Variants in LTBP1 observed in about 807,000 individuals in gnomAD.
LTBP1 encodes the protein latent transforming growth factor beta binding protein 1.
A neutral mutation model predicts 207.6 loss-of-function variants in LTBP1; 129 were observed. The observed-to-expected ratio is 0.62, with a 90% CI of 0.54 to 0.72. The LOEUF is 0.72. Ranked by LOEUF, LTBP1 falls within the 30% of genes least tolerant of loss-of-function variation. The pLI is 0.00. For synonymous variants in LTBP1, 963 were observed against 833.7 expected (o/e 1.16, Z -2.67); for missense variants, 2,281 against 2,217.2 (o/e 1.03, Z -0.58).
chr2:32,952,016 T>C (rs1255916659), intron 2 of LTBP1, among the ~76,000 whole-genome samples: 1 of 152,190 alleles, frequency 6.6e-6, no homozygotes, highest in African/African-American at 2.4e-5. Flanking sequence ...TGTCATTACA[T>C]GTTGAAGATA....
intron 32 of LTBP1, among the ~76,000 whole-genome samples, chr2:33,393,218 T>C (rs62150379): frequency 0.16 from 23,827 of 145,392 alleles, 2,175 homozygotes; most frequent in Non-Finnish European, 0.18. Context: ...CTAGTGTCTG[T>C]TGTTTCCTTC....
rs1466290489 is a variant in LTBP1, at chr2:33,215,964, C to T, written c.1702-1588C>T. Among the ~76,000 whole-genome samples, 5 of 152,078 alleles carry T rather than the reference C, an allele frequency of 3.3e-5. No homozygotes were observed. In the East Asian group the frequency reaches 5.8e-4, roughly 18 times the overall value. ...TCCTGACCTCGTGATCTGCCTGCCT[C>T]GGCCTCCCAAAGTGCTGGGATTACA... On this transcript the variant is annotated intron_variant, in intron 7 of 33. Transcript: ENST00000404816.
chr2:33,268,123 G>T (rs1035481157), intron 15 of LTBP1, among the ~76,000 whole-genome samples: 1 of 152,316 alleles, frequency 6.6e-6, no homozygotes, highest in African/African-American at 2.4e-5. Context: ...GAAGTGGTTT[G>T]CAACTTTAGA....
chr2:32,960,745 G>T (rs1678971084), intron 2 of LTBP1, among the ~76,000 whole-genome samples: 1 of 152,198 alleles, frequency 6.6e-6, no homozygotes, highest in Non-Finnish European at 1.5e-5. Flanking sequence ...TGTGAGGCCT[G>T]TGTGATATGA....
At chr2:33,393,240 T>C (rs1252121834) in intron 32 of LTBP1, among the ~76,000 whole-genome samples, 6 of 141,280 alleles carry the variant, frequency 4.2e-5, no homozygotes, top group African/African-American at 1.1e-4. Flanking sequence ...TCTTCTTTTT[T>C]TTTTTTTTTT....
At chr2:32,993,579 T>A (rs1039921268) in intron 2 of LTBP1, among the ~76,000 whole-genome samples, 1 of 152,214 alleles carries the variant, frequency 6.6e-6, no homozygotes, top group Non-Finnish European at 1.5e-5. Context: ...AATTTTAGTT[T>A]ACTGGGTAGT....
intron 2 of LTBP1, among the ~76,000 whole-genome samples, chr2:32,997,691 A>C (rs1487077656): frequency 6.6e-6 from 1 of 152,092 alleles, no homozygotes; most frequent in Non-Finnish European, 1.5e-5. Flanking sequence ...GGCCAGGACA[A>C]CTCCAAAGCT....
intron 2 of LTBP1, among the ~76,000 whole-genome samples, chr2:32,999,351 A>G (rs1247613768): frequency 6.6e-6 from 1 of 152,206 alleles, no homozygotes; most frequent in East Asian, 1.9e-4. Flanking sequence ...CCTTGCCTCC[A>G]TCCAAGGTGA....
intron 3 of LTBP1, among the ~76,000 whole-genome samples, chr2:33,044,002 T>A (rs1435905783): frequency 6.6e-6 from 1 of 150,736 alleles, no homozygotes; most frequent in Non-Finnish European, 1.5e-5. Context: ...TTCCACTGAC[T>A]CTTAGACTCT....
chr2:33,288,133 T>A (rs902330649), intron 19 of LTBP1, among the ~76,000 whole-genome samples: 2 of 152,214 alleles, frequency 1.3e-5, no homozygotes, highest in Non-Finnish European at 2.9e-5. Flanking sequence ...TGAATTTGGA[T>A]AGCCTTAGAG....
chr2:33,309,355 C>T (rs1393659659), intron 22 of LTBP1, 79 bp from the exon 23 acceptor site: 1 of 925,686 alleles, frequency 1.1e-6, no homozygotes, highest in Non-Finnish European at 1.6e-6. Context: ...AAATAGTGTA[C>T]CTTTACATGT....
intron 26 of LTBP1, among the ~76,000 whole-genome samples, chr2:33,349,444 GAA>G (rs373613670): frequency 0.021 from 2,929 of 141,506 alleles, 47 homozygotes; most frequent in Middle Eastern, 0.071. Context: ...TGTCTCAAAA[GAA>G]AAAAAAAAAA....
chr2:33,039,597 A>G (rs1244443396), intron 3 of LTBP1, among the ~76,000 whole-genome samples: 1 of 152,234 alleles, frequency 6.6e-6, no homozygotes, highest in Admixed American at 6.5e-5. Context: ...ATTAAAATCA[A>G]CTATATTTTT....
intron 3 of LTBP1, among the ~76,000 whole-genome samples, chr2:33,096,782 A>G (rs1166380532): frequency 1.3e-5 from 2 of 152,218 alleles, no homozygotes; most frequent in African/African-American, 2.4e-5. Context: ...AGGAAAGTGC[A>G]TGATTTTAGT....
At chr2:33,256,386 G>C (rs920894446) in intron 11 of LTBP1, among the ~76,000 whole-genome samples, 1 of 151,868 alleles carries the variant, frequency 6.6e-6, no homozygotes, top group African/African-American at 2.4e-5. Flanking sequence ...CTCTTAACCA[G>C]CTGATACATG....
chr2:33,244,655 A>C (rs2092447382), intron 10 of LTBP1, among the ~76,000 whole-genome samples: 1 of 152,110 alleles, frequency 6.6e-6, no homozygotes, highest in South Asian at 2.1e-4. Flanking sequence ...ATTTTTTTTA[A>C]AGAGATGGGG....
In LTBP1 at chr2:33,187,063, G is replaced by A; in HGVS notation, c.1409G>A (p.Ser470Asn). 6.2e-7 allele frequency: 1 copy of A among 1,614,076 alleles called. No homozygotes were observed. The highest frequency in any genetic ancestry group is 8.5e-7 in the Non-Finnish European group (1 of 1,179,938). The change falls in exon 6 of 34, where the codon AGC becomes AAC. Residue 470 changes from serine to asparagine, a missense_variant. Around this residue, in one of 3 missense-constraint regions of LTBP1, gnomAD observed 1,671 missense variants for 1,634.8 expected, o/e 1.02. Coordinates refer to ENST00000404816, the MANE Select transcript of LTBP1 (RefSeq NM_206943.4). ...CATACCTTGCCTCTGACCGTGACTA[G>A]CCAGCAAGGAGTCAAAGGTAAGCTT... ...STHTLPLTVT[S>N]QQGVKVKFPP...
chr2:33,381,688 G>A (rs1220509266), intron 31 of LTBP1, among the ~76,000 whole-genome samples: 1 of 152,116 alleles, frequency 6.6e-6, no homozygotes, highest in African/African-American at 2.4e-5. Context: ...ACTCTCCCTG[G>A]AATTTTAGTC....
intron 9 of LTBP1, among the ~76,000 whole-genome samples, chr2:33,242,760 C>T (rs890723783): frequency 2.6e-5 from 4 of 151,858 alleles, no homozygotes; most frequent in Admixed American, 2.0e-4. Flanking sequence ...CTGGCTGTTA[C>T]CAACCTCATA....
Sources: gnomAD v4.1 joint callset for allele counts (sites outside exome capture counted in the v4.1 genomes callset) on GRCh38, gnomAD v4.1.1 for gene constraint, gnomAD v4.1.1 regional missense constraint, MANE v1.5 for transcripts, NCBI Gene and HGNC (gene_info 2026-07-23, HGNC 2026-07-21) for gene names.